Variants in DYRK1A observed in about 807,000 individuals in gnomAD.
The protein encoded by DYRK1A is dual specificity tyrosine-phosphorylation-regulated kinase 1A.
DYRK1A carries 9 observed loss-of-function variants against 79.7 expected under a neutral mutation model. The observed-to-expected ratio is 0.11, with a 90% CI of 0.07 to 0.20. DYRK1A has a LOEUF of 0.20. Among genes scored for constraint, DYRK1A ranks in the 10% least tolerant of loss-of-function variants. DYRK1A has a pLI of 1.00. For missense variants in DYRK1A, 622 were observed against 956.0 expected (o/e 0.65, Z 4.61); for synonymous variants, 349 against 329.7 (o/e 1.06, Z -0.63).
chr21:37,468,703 G>C lies in DYRK1A; in HGVS notation c.11-3981G>C, dbSNP rs574670924. 2.0e-5 allele frequency among the ~76,000 whole-genome samples: 3 copies of C among 152,318 alleles called. No individual in the cohort carries two copies. In the South Asian group the frequency reaches 6.2e-4, roughly 32 times the overall value. The stretch of plus-strand genomic sequence containing the variant: ...AACTTGATTCCTATTTTACACAGAA[G>C]TCAAATGCAAATGGATTTTGCATTT... On this transcript the variant is annotated intron_variant, in intron 2 of 11. Transcript: ENST00000647188.
At chr21:37,405,754 G>A (rs560144403) in intron 1 of DYRK1A, among the ~76,000 whole-genome samples, 5 of 152,192 alleles carry the variant, frequency 3.3e-5, no homozygotes, top group Non-Finnish European at 7.4e-5. Context: ...TGGTGTGTGC[G>A]TAGTCATACA....
At chr21:37,495,014 CT>C (rs2053217937) in intron 8 of DYRK1A, among the ~76,000 whole-genome samples, 1 of 150,996 alleles carries the variant, frequency 6.6e-6, no homozygotes, top group Non-Finnish European at 1.5e-5. Flanking sequence ...ACATAAACTT[CT>C]TTTTGGCAGG....
chr21:37,523,994 A>G lies in DYRK1A; in HGVS notation c.*11463A>G, dbSNP rs969593795. On this transcript the variant is annotated 3_prime_UTR_variant, in exon 12 of 12. Transcript: ENST00000647188. The stretch of plus-strand genomic sequence containing the variant: ...CATTTTGAATGCCACTTGTATTCCC[A>G]TGCTACAACATTTTATTTTTTATTA... The G allele has an allele frequency of 1.3e-5, 2 of 152,210 alleles. No homozygotes were observed. Among genetic ancestry groups the G allele is most frequent in the Non-Finnish European group, 2.9e-5 (2 of 68,026 alleles). The allele number at this position is 152,210 out of a possible 1,614,324, so 9.4% of individuals were successfully genotyped here. A position where few individuals can be genotyped will look rare whatever the true frequency, so the allele number is the denominator to read the frequency against.
At chr21:37,441,963 T>G (rs1238048227) in intron 2 of DYRK1A, among the ~76,000 whole-genome samples, 20 of 25,154 alleles carry the variant, frequency 8.0e-4, no homozygotes, top group Admixed American at 1.3e-3. Context: ...TATTTTGCTG[T>G]TTTTTTTTTT....
intron 1 of DYRK1A, among the ~76,000 whole-genome samples, chr21:37,400,466 TATATC>T (rs879518653): frequency 6.6e-6 from 1 of 152,236 alleles, no homozygotes; most frequent in Non-Finnish European, 1.5e-5. Flanking sequence ...AACTTGTAGA[TATATC>T]ATAAGTATAC....
At chr21:37,454,308 G>T (rs2051562701) in intron 2 of DYRK1A, among the ~76,000 whole-genome samples, 1 of 151,850 alleles carries the variant, frequency 6.6e-6, no homozygotes, top group African/African-American at 2.4e-5. Context: ...GCTCAGGTTG[G>T]TCTTTTAACT....
At chr21:37,433,541 C>G (rs556636083) in intron 2 of DYRK1A, among the ~76,000 whole-genome samples, 5 of 152,238 alleles carry the variant, frequency 3.3e-5, no homozygotes, top group African/African-American at 1.2e-4. Context: ...TTACCTTTAT[C>G]CTTCGGAATT....
chr21:37,491,939 C>T (rs986751885), intron 7 of DYRK1A, among the ~76,000 whole-genome samples: 5 of 152,164 alleles, frequency 3.3e-5, no homozygotes, highest in Non-Finnish European at 7.3e-5. Context: ...CTGCAGTGGT[C>T]CTGCCCCTAG....
At chr21:37,450,951 AGAC>A (rs1223034113) in intron 2 of DYRK1A, among the ~76,000 whole-genome samples, 3 of 152,176 alleles carry the variant, frequency 2.0e-5, no homozygotes, top group African/African-American at 7.2e-5. Flanking sequence ...TATTCCCCTA[AGAC>A]TGTAATGAAG....
At chr21:37,428,970 C>G (rs1334558245) in intron 2 of DYRK1A, 1 of 152,224 alleles carries the variant, frequency 6.6e-6, no homozygotes, top group Non-Finnish European at 1.5e-5. Context: ...CTCCTCTTCT[C>G]TCTGGTGGTG....
At chr21:37,460,128 TGTTA>T (rs780270919) in intron 2 of DYRK1A, among the ~76,000 whole-genome samples, 7 of 151,978 alleles carry the variant, frequency 4.6e-5, no homozygotes, top group East Asian at 1.9e-4. Context: ...TTTGGTAAAG[TGTTA>T]GTTTTTAATG....
intron 2 of DYRK1A, among the ~76,000 whole-genome samples, chr21:37,435,057 C>T (rs1244202822): frequency 2.6e-5 from 4 of 152,142 alleles, no homozygotes; most frequent in Non-Finnish European, 5.9e-5. Flanking sequence ...TCCATGGGAT[C>T]GCCTTTGGAG....
intron 3 of DYRK1A, among the ~76,000 whole-genome samples, chr21:37,473,983 A>C (rs1481661663): frequency 6.6e-6 from 1 of 152,204 alleles, no homozygotes; most frequent in Non-Finnish European, 1.5e-5. Flanking sequence ...ATCCATTTGC[A>C]CTTTGAGGAA....
chr21:37,375,122 GTA>G (rs1286857692), intron 1 of DYRK1A: 1 of 152,224 alleles, frequency 6.6e-6, no homozygotes, highest in East Asian at 1.9e-4. Flanking sequence ...CTTAAAGTAA[GTA>G]TGTGGCTTTT....
intron 2 of DYRK1A, among the ~76,000 whole-genome samples, chr21:37,461,778 T>C (rs1309285876): frequency 1.3e-5 from 2 of 152,136 alleles, no homozygotes; most frequent in Admixed American, 6.5e-5. Flanking sequence ...TGTCTCTGGC[T>C]GCTTTTACAA....
intron 3 of DYRK1A, among the ~76,000 whole-genome samples, chr21:37,475,646 G>A (rs2052369238): frequency 6.6e-6 from 1 of 152,178 alleles, no homozygotes; most frequent in South Asian, 2.1e-4. Context: ...TAAACAGCTT[G>A]GCCTTGTAGG....
At chr21:37,391,013 C>T (rs2049860036) in intron 1 of DYRK1A, among the ~76,000 whole-genome samples, 1 of 152,170 alleles carries the variant, frequency 6.6e-6, no homozygotes, top group African/African-American at 2.4e-5. Flanking sequence ...ATATTAGATA[C>T]AGATTAGATG....
At chr21:37,372,767 C>T (rs376335970) in intron 1 of DYRK1A, among the ~76,000 whole-genome samples, 6 of 152,224 alleles carry the variant, frequency 3.9e-5, no homozygotes, top group Non-Finnish European at 8.8e-5. Context: ...TTTCTCTCCT[C>T]ATCTTCATTC....
intron 9 of DYRK1A, among the ~76,000 whole-genome samples, chr21:37,499,686 G>A (rs2053382037): frequency 6.6e-6 from 1 of 151,996 alleles, no homozygotes; most frequent in South Asian, 2.1e-4. Flanking sequence ...ATTTTAAATG[G>A]CATTTAAAAT....
Sources: allele counts gnomAD v4.1 joint callset (sites outside exome capture counted in the v4.1 genomes callset), GRCh38; gene constraint gnomAD v4.1.1; transcripts MANE v1.5; gene names NCBI Gene and HGNC (gene_info 2026-07-23, HGNC 2026-07-21).